DTNB: variants seen among roughly 807,000 people sequenced by gnomAD.
DTNB encodes DTN-B.
In DTNB, 63 loss-of-function variants were observed where a neutral mutation model predicts 90.7. The observed-to-expected ratio is 0.69, with a 90% CI of 0.57 to 0.86. DTNB has a LOEUF of 0.86. DTNB is among the 40% of genes least tolerant of loss of function. DTNB has a pLI of 0.00. For missense variants in DTNB, 744 were observed against 807.1 expected, an observed-to-expected ratio of 0.92 and a Z score of 0.95; for synonymous variants, 277 against 286.7, an observed-to-expected ratio of 0.97 and a Z score of 0.34.
At chr2:25,440,662 A>G (rs2150041070) in intron 12 of DTNB, among the ~76,000 whole-genome samples, 1 of 149,892 alleles carries the variant, frequency 6.7e-6, no homozygotes, top group South Asian at 2.2e-4. Context: ...TCCCTATTTT[A>G]ACTTATTTAA....
At chr2:25,397,877 C>CAAA (rs56318909) in intron 16 of DTNB, among the ~76,000 whole-genome samples, 37 of 73,040 alleles carry the variant, frequency 5.1e-4, no homozygotes, top group Admixed American at 7.5e-4. Flanking sequence ...AAGACTGTCT[C>CAAA]AAAAAAAAAA....
chr2:25,469,371 G>T (rs2062369838), intron 10 of DTNB, among the ~76,000 whole-genome samples: 1 of 152,140 alleles, frequency 6.6e-6, no homozygotes. Flanking sequence ...GAGTAGGGGA[G>T]AGCATTGGAA....
chr2:25,562,208 C>A (rs989792822), intron 8 of DTNB, among the ~76,000 whole-genome samples: 3 of 152,156 alleles, frequency 2.0e-5, no homozygotes, highest in African/African-American at 7.2e-5. Flanking sequence ...TTGTGTCTGA[C>A]TTTTTCACTT....
intron 6 of DTNB, 59 bp from the exon 7 acceptor site, chr2:25,580,885 G>C (rs202178495): frequency 2.3e-5 from 34 of 1,448,478 alleles, no homozygotes; most frequent in Non-Finnish European, 3.0e-5. Flanking sequence ...CAAACTCCAA[G>C]TTTAATTTAG....
chr2:25,437,436 GT>G (rs1293436923), intron 12 of DTNB, among the ~76,000 whole-genome samples: 2 of 151,860 alleles, frequency 1.3e-5, no homozygotes, highest in East Asian at 3.9e-4. Context: ...TAATTTTTGT[GT>G]TTTAAGTAGG....
chr2:25,558,188 A>G (rs1046433782), intron 8 of DTNB: 6 of 983,718 alleles, frequency 6.1e-6, no homozygotes, highest in East Asian at 1.1e-4. Context: ...TATACAACAT[A>G]TAACACACAT....
chr2:25,649,485 T>C (rs1316268040), intron 2 of DTNB, among the ~76,000 whole-genome samples: 3 of 151,890 alleles, frequency 2.0e-5, no homozygotes, highest in African/African-American at 7.3e-5. Flanking sequence ...GAGGTAGAGG[T>C]GGGAGGATCA....
chr2:25,412,699 G>T (rs1359351518), intron 16 of DTNB, among the ~76,000 whole-genome samples: 1 of 152,172 alleles, frequency 6.6e-6, no homozygotes, highest in African/African-American at 2.4e-5. Flanking sequence ...TGAATAAACA[G>T]AACCCCTTTC....
chr2:25,552,168 T>C (rs2056403391), intron 8 of DTNB, among the ~76,000 whole-genome samples: 1 of 152,212 alleles, frequency 6.6e-6, no homozygotes, highest in African/African-American at 2.4e-5. Flanking sequence ...GTTGTGTTCC[T>C]CTCATTTGGG....
chr2:25,450,506 T>TTTCAAGACTGTTATGGTTA (rs1249010626), intron 12 of DTNB, among the ~76,000 whole-genome samples: 2 of 152,216 alleles, frequency 1.3e-5, no homozygotes, highest in Non-Finnish European at 2.9e-5. Flanking sequence ...TGTTTTTCTT[T>TTTCAAGACTGTTATGGTTA]TTCAAGACTG....
chr2:25,457,154 C>T (rs1020858951), intron 10 of DTNB, among the ~76,000 whole-genome samples: 4 of 152,034 alleles, frequency 2.6e-5, no homozygotes, highest in African/African-American at 2.4e-5. Flanking sequence ...GGATTATAGG[C>T]GTGCGCCACC....
At chr2:25,559,593 C>A (rs1271509129) in intron 8 of DTNB, among the ~76,000 whole-genome samples, 2 of 152,212 alleles carry the variant, frequency 1.3e-5, no homozygotes, top group East Asian at 1.9e-4. Context: ...TACAGTTGAT[C>A]TTTCCAATGC....
intron 9 of DTNB, among the ~76,000 whole-genome samples, chr2:25,498,624 C>T (rs905839657): frequency 2.6e-5 from 4 of 151,204 alleles, no homozygotes; most frequent in African/African-American, 4.9e-5. Flanking sequence ...GGCGGGTGGA[C>T]TGCTTGAGCC....
At chr2:25,405,235 C>A (rs970023115) in intron 16 of DTNB, among the ~76,000 whole-genome samples, 12 of 152,130 alleles carry the variant, frequency 7.9e-5, no homozygotes, top group African/African-American at 2.4e-5. Flanking sequence ...GCCCGACTAA[C>A]CACCATTAAA....
intron 1 of DTNB, among the ~76,000 whole-genome samples, chr2:25,663,105 C>G (rs976950178): frequency 3.3e-5 from 5 of 150,200 alleles, no homozygotes; most frequent in African/African-American, 1.2e-4. Flanking sequence ...TTGTTCCCTT[C>G]CCTGTATCCA....
intron 9 of DTNB, among the ~76,000 whole-genome samples, chr2:25,526,395 A>ACATATATATATATATATATTTTTT (rs1553488028): frequency 2.0e-5 from 1 of 49,858 alleles, no homozygotes; most frequent in Admixed American, 2.9e-4. Flanking sequence ...ATATATATAT[A>ACATATATATATATATATATTTTTT]TTTTTTTTTT....
intron 18 of DTNB, among the ~76,000 whole-genome samples, chr2:25,384,354 C>G (rs1228978048): frequency 1.3e-5 from 2 of 152,100 alleles, no homozygotes; most frequent in Non-Finnish European, 2.9e-5. Context: ...AATGACCGCA[C>G]AGTGCAAAGT....
At chr2:25,462,734 C>G (rs1042001727) in intron 10 of DTNB, among the ~76,000 whole-genome samples, 1 of 151,208 alleles carries the variant, frequency 6.6e-6, no homozygotes, top group African/African-American at 2.4e-5. Context: ...GACGGAGTCT[C>G]GCTCTGTCGC....
chr2:25,446,204 T>C (rs906701719), intron 12 of DTNB, among the ~76,000 whole-genome samples: 12 of 152,138 alleles, frequency 7.9e-5, no homozygotes, highest in African/African-American at 2.7e-4. Flanking sequence ...TTAAGGTTTT[T>C]TCACAAACAC....
Sources: allele counts gnomAD v4.1 joint callset (sites outside exome capture counted in the v4.1 genomes callset), GRCh38; gene constraint gnomAD v4.1.1; transcripts MANE v1.5; gene names NCBI Gene and HGNC (gene_info 2026-07-23, HGNC 2026-07-21).